XCR1: variants seen among roughly 807,000 people sequenced by gnomAD.
XCR1 encodes chemokine XC receptor 1.
For missense variants in XCR1, 356 were observed against 424.2 expected, an observed-to-expected ratio of 0.84 and a Z score of 1.41; for synonymous variants, 187 against 188.5, an observed-to-expected ratio of 0.99 and a Z score of 0.06.
chr3:46,041,082 T>C (rs1484175621), intron 5 of XCR1, among the ~76,000 whole-genome samples: 3 of 152,332 alleles, frequency 2.0e-5, no homozygotes, highest in South Asian at 2.1e-4. Context: ...GAGCAGCGTA[T>C]AGTTTTATAA....
At chr3:46,022,950 TAAAGG>T (rs1708187256) in intron 1 of XCR1, among the ~76,000 whole-genome samples, 2 of 152,038 alleles carry the variant, frequency 1.3e-5, no homozygotes, top group African/African-American at 4.8e-5. Flanking sequence ...CCCAAGGAAA[TAAAGG>T]AAACTATATT....
intron 5 of XCR1, among the ~76,000 whole-genome samples, chr3:46,035,320 A>G (rs1238331446): frequency 6.6e-6 from 1 of 152,140 alleles, no homozygotes; most frequent in African/African-American, 2.4e-5. Context: ...CCTTTTAGTC[A>G]GTCAGGGAGA....
intron 1 of XCR1, among the ~76,000 whole-genome samples, chr3:46,024,416 A>C (rs1399271689): frequency 6.6e-6 from 1 of 152,128 alleles, no homozygotes; most frequent in East Asian, 1.9e-4. Flanking sequence ...ATGGAGGTTC[A>C]GTTTCTGCTG....
At chr3:46,057,908 CTATCTAT>C (rs1697882054) in intron 4 of XCR1, among the ~76,000 whole-genome samples, 1 of 145,972 alleles carries the variant, frequency 6.9e-6, no homozygotes, top group Non-Finnish European at 1.5e-5. Flanking sequence ...ATCTATCTAT[CTATCTAT>C]CTATCTATCT....
chr3:46,069,935 A>T (rs1403527903), intron 3 of XCR1, among the ~76,000 whole-genome samples: 4 of 151,132 alleles, frequency 2.6e-5, no homozygotes, highest in African/African-American at 9.7e-5. Context: ...TAGAAGTTTA[A>T]TGCTATAAAC....
At position 46,017,127 on chromosome 3, in the gene XCR1, T is replaced by G. The variant is rs1233529227; in HGVS notation, c.*3819A>C. The G allele has an allele frequency of 6.6e-6, 1 of 152,226 alleles. No homozygotes were observed. Among genetic ancestry groups the G allele is most frequent in the Non-Finnish European group, 1.5e-5 (1 of 68,036 alleles). 9.4% of individuals were successfully genotyped at this position (152,226 alleles called of 1,614,324 possible). On this transcript the variant is annotated 3_prime_UTR_variant, in exon 2 of 2. Coordinates refer to ENST00000309285, the MANE Select transcript of XCR1 (RefSeq NM_001024644.2). The stretch of plus-strand genomic sequence containing the variant: ...AAGTAGTTTTACATACATGACCTTA[T>G]GCACAGCCTCATAGTGTGGATGAGT...
At chr3:46,059,055 T>A (rs764160629) in intron 4 of XCR1, among the ~76,000 whole-genome samples, 1 of 152,176 alleles carries the variant, frequency 6.6e-6, no homozygotes, top group Non-Finnish European at 1.5e-5. Context: ...AGGTGGGGTG[T>A]GCACAATAGC....
upstream of XCR1, among the ~76,000 whole-genome samples, chr3:46,030,825 GC>G (rs1389373548): frequency 1.3e-5 from 2 of 152,256 alleles, no homozygotes; most frequent in African/African-American, 2.4e-5. Context: ...GCATGGCCGG[GC>G]AGGACCTACT....
At chr3:46,079,593 C>T (rs1248611185) in intron 1 of XCR1, among the ~76,000 whole-genome samples, 1 of 152,116 alleles carries the variant, frequency 6.6e-6, no homozygotes, top group Non-Finnish European at 1.5e-5. Context: ...CTCCCACTAC[C>T]ACCTTAGGAA....
intron 3 of XCR1, among the ~76,000 whole-genome samples, chr3:46,068,356 G>C (rs551671006): frequency 6.6e-6 from 1 of 152,236 alleles, no homozygotes; most frequent in South Asian, 2.1e-4. Flanking sequence ...CTGGCATCTA[G>C]TAAGTACAGG....
Position 46,048,547 on chromosome 3 carries a change from G to A in XCR1, c.-32+5373C>T, listed in dbSNP as rs569272633. ...TACCGGAGGGACTGGGCCCATGGTTGGCCACCCTGGGTTCCTCTAGTCTCC... is the reference window on the plus strand; with the variant it reads ...TACCGGAGGGACTGGGCCCATGGTTAGCCACCCTGGGTTCCTCTAGTCTCC... On this transcript the variant is annotated intron_variant, in intron 5 of 5. Transcript: ENST00000683768. 2.6e-5 allele frequency among the ~76,000 whole-genome samples: 4 copies of A among 152,152 alleles called. No homozygotes were observed. The East Asian group carries it at 7.7e-4, about 29-fold the overall frequency.
intron 3 of XCR1, among the ~76,000 whole-genome samples, chr3:46,068,017 G>C (rs1442057174): frequency 6.6e-6 from 1 of 152,192 alleles, no homozygotes; most frequent in African/African-American, 2.4e-5. Context: ...TTTTAAGCAG[G>C]GGAATAAGGT....
intron 3 of XCR1, among the ~76,000 whole-genome samples, chr3:46,070,849 T>G (rs1354637704): frequency 1.3e-5 from 2 of 152,182 alleles, no homozygotes; most frequent in Admixed American, 6.5e-5. Context: ...CTTGGCTTTT[T>G]CTTCCTTTGT....
At position 46,074,214 on chromosome 3, in the gene XCR1, C is replaced by CTTTTTTTTTTTTTTT. The variant is rs35124592; in HGVS notation, c.-263+422_-263+436dup. 4.9e-3 allele frequency among the ~76,000 whole-genome samples: 426 copies of CTTTTTTTTTTTTTTT among 86,626 alleles called. 43 individuals carry two copies. The highest frequency in any genetic ancestry group is 6.0e-3 in the Non-Finnish European group (268 of 44,570). The allele number at this position is 86,626 out of a possible 152,430, so 56.8% of individuals were successfully genotyped here. ...CAACACGAATGGAACTGAAGGCCATCTTTTTTTTTTTTTTTTTTTTTTTTT... is the reference window on the plus strand; with the variant it reads ...CAACACGAATGGAACTGAAGGCCATCTTTTTTTTTTTTTTTTTTTTTTTTTTTTTTTTTTTTTTTT... On this transcript the variant is annotated intron_variant, in intron 3 of 5. Coordinates refer to the XCR1 transcript ENST00000683768.
At chr3:46,067,411 G>T (rs1698097075) in intron 3 of XCR1, among the ~76,000 whole-genome samples, 1 of 152,180 alleles carries the variant, frequency 6.6e-6, no homozygotes, top group South Asian at 2.1e-4. Flanking sequence ...GTAAGAGGCA[G>T]GAACATCAAG....
At position 46,077,843 on chromosome 3, in the gene XCR1, C is replaced by T. The variant is rs566412420; in HGVS notation, c.-514-917G>A. On this transcript the variant is annotated intron_variant, in intron 1 of 5. Transcript: ENST00000683768. ...AACACAGGAACAGAATACCAAATAC[C>T]GCACGTTCTCACTTATAAGTGAGAG... Among the ~76,000 whole-genome samples, 11 of 152,224 alleles carry T rather than the reference C, an allele frequency of 7.2e-5. No individual in the cohort carries two copies. In the South Asian group the frequency reaches 1.5e-3, roughly 20 times the overall value.
chr3:46,033,779 T>G (rs2125896168), intron 5 of XCR1, among the ~76,000 whole-genome samples: 1 of 152,298 alleles, frequency 6.6e-6, no homozygotes, highest in East Asian at 1.9e-4. Context: ...CAATATTGAG[T>G]CTTCTTATCC....
intron 5 of XCR1, among the ~76,000 whole-genome samples, chr3:46,043,470 G>C (rs530032695): frequency 6.6e-6 from 1 of 151,786 alleles, no homozygotes; most frequent in African/African-American, 2.4e-5. Context: ...AAACAAAAAA[G>C]TATGACTAAG....
chr3:46,038,560 A>T (rs763803840), intron 5 of XCR1, among the ~76,000 whole-genome samples: 2 of 152,168 alleles, frequency 1.3e-5, no homozygotes, highest in Non-Finnish European at 2.9e-5. Flanking sequence ...ATTTCTAACG[A>T]GTCATCATTT....
Sources: allele counts gnomAD v4.1 joint callset (sites outside exome capture counted in the v4.1 genomes callset), GRCh38; gene constraint gnomAD v4.1.1; transcripts MANE v1.5; gene names NCBI Gene and HGNC (gene_info 2026-07-23, HGNC 2026-07-21).